GLIS3: variants seen among roughly 807,000 people sequenced by gnomAD.
GLIS3 encodes the protein GLIS family zinc finger 3, also known as zinc finger protein GLIS3.
In GLIS3, 53 loss-of-function variants were observed where a neutral mutation model predicts 78.6. The ratio of observed to expected loss-of-function variants is 0.67; its 90% CI spans 0.54 to 0.85. The LOEUF (loss-of-function observed/expected upper bound fraction) is 0.85, where lower values mean the gene tolerates loss of function less well. Ranked by LOEUF, GLIS3 falls within the 40% of genes least tolerant of loss-of-function variation. GLIS3 has a pLI of 0.00. For synonymous variants in GLIS3, 684 were observed against 509.9 expected (o/e 1.34, Z -4.60); for missense variants, 1,703 against 1,231.1 (o/e 1.38, Z -5.74).
At chr9:4,270,952 GAAC>G (rs1554644000) in intron 2 of GLIS3, among the ~76,000 whole-genome samples, 2 of 149,796 alleles carry the variant, frequency 1.3e-5, no homozygotes, top group African/African-American at 2.5e-5. Flanking sequence ...ACTGACCCTT[GAAC>G]AACACAGGTT....
intron 2 of GLIS3, among the ~76,000 whole-genome samples, chr9:4,222,415 T>C (rs1587029946): frequency 6.6e-6 from 1 of 152,188 alleles, no homozygotes; most frequent in South Asian, 2.1e-4. Context: ...ACCTAGAAAA[T>C]GGACAGGCAA....
Position 3,972,556 on chromosome 9 carries a change from G to GT in GLIS3, c.1711-35368dup, listed in dbSNP as rs572069177. Among the ~76,000 whole-genome samples, 58 of 151,816 alleles carry GT rather than the reference G, an allele frequency of 3.8e-4. No individual in the cohort carries two copies. The South Asian group carries it at 0.011, about 28-fold the overall frequency. ...TTTCTTGACTGTAGTTTCAAAAAGGGTTTTTTTTGTTTGTTTGTTTGCTTT... is the reference window on the plus strand; with the variant it reads ...TTTCTTGACTGTAGTTTCAAAAAGGGTTTTTTTTTGTTTGTTTGTTTGCTTT... On this transcript the variant is annotated intron_variant, in intron 4 of 10. Coordinates refer to ENST00000381971, the MANE Select transcript of GLIS3 (RefSeq NM_001042413.2).
intron 3 of GLIS3, among the ~76,000 whole-genome samples, chr9:4,122,770 A>G (rs55942969): frequency 0.035 from 5,277 of 152,298 alleles, 112 homozygotes; most frequent in Middle Eastern, 0.048. Context: ...CTACTACTCA[A>G]TGTTTGTTAG....
At chr9:4,229,212 C>T (rs948574973) in intron 2 of GLIS3, among the ~76,000 whole-genome samples, 28 of 152,202 alleles carry the variant, frequency 1.8e-4, no homozygotes, top group Admixed American at 1.8e-3. Context: ...AGCCTGAAGG[C>T]ATGGGCTGGA....
chr9:4,025,639 G>T (rs1009557189), intron 4 of GLIS3, among the ~76,000 whole-genome samples: 2 of 152,162 alleles, frequency 1.3e-5, no homozygotes, highest in African/African-American at 4.8e-5. Flanking sequence ...GCCCGTCTCA[G>T]CCTCCCAAAA....
intron 2 of GLIS3, among the ~76,000 whole-genome samples, chr9:4,257,120 C>A (rs183896811): frequency 1.3e-3 from 197 of 151,978 alleles, no homozygotes; most frequent in Non-Finnish European, 1.7e-3. Context: ...CTTCTTTATC[C>A]ATTTGTCTGT....
At chr9:4,386,066 G>T in the GLIS3 span, among the ~76,000 whole-genome samples, 1 of 152,134 alleles carries the variant, frequency 6.6e-6, no homozygotes, top group Non-Finnish European at 1.5e-5. Context: ...TCTGGGGTGA[G>T]AATTTATCCC....
intron 4 of GLIS3, among the ~76,000 whole-genome samples, chr9:4,013,390 G>A (rs1234645902): frequency 6.6e-6 from 1 of 152,150 alleles, no homozygotes; most frequent in Admixed American, 6.5e-5. Context: ...CAAGGAAGCT[G>A]TAATAATTAT....
Position 4,124,373 on chromosome 9 carries a change from A to G in GLIS3, c.596+1361T>C, listed in dbSNP as rs547797931. On this transcript the variant is annotated intron_variant, in intron 3 of 10. Transcript: ENST00000381971. ...CCATAAAAGGGACTGCATAAGATAC[A>G]TGGCTTAAGCAGTCTGTGCCCTGAC... Among the ~76,000 whole-genome samples the G allele has an allele frequency of 6.6e-5, 10 of 152,358 alleles. No individual in the cohort carries two copies. The South Asian group carries it at 2.1e-3, about 32-fold the overall frequency.
chr9:4,379,773 T>G, the GLIS3 span, among the ~76,000 whole-genome samples: 7 of 152,362 alleles, frequency 4.6e-5, no homozygotes, highest in East Asian at 1.3e-3. Flanking sequence ...TTCAAATATC[T>G]TTTTGCTCTT....
At chr9:4,094,989 G>C (rs1382946475) in intron 4 of GLIS3, among the ~76,000 whole-genome samples, 1 of 152,062 alleles carries the variant, frequency 6.6e-6, no homozygotes, top group Non-Finnish European at 1.5e-5. Flanking sequence ...ATGGTAATTA[G>C]CATATCCATC....
At chr9:4,321,525 A>G (rs921977376) in intron 2 of GLIS3, among the ~76,000 whole-genome samples, 1 of 147,946 alleles carries the variant, frequency 6.8e-6, no homozygotes, top group Non-Finnish European at 1.5e-5. Context: ...TAAATTACCC[A>G]GTGCATGGTC....
chr9:3,938,220 A>G (rs1268641733), intron 4 of GLIS3, among the ~76,000 whole-genome samples: 1 of 152,216 alleles, frequency 6.6e-6, no homozygotes, highest in African/African-American at 2.4e-5. Flanking sequence ...TCTCACTGGA[A>G]GGGAAACTGA....
the GLIS3 span, among the ~76,000 whole-genome samples, chr9:4,395,349 G>T: frequency 6.6e-6 from 1 of 152,148 alleles, no homozygotes; most frequent in African/African-American, 2.4e-5. Context: ...GCGCTGACAT[G>T]ATTTTCTTTT....
the GLIS3 span, among the ~76,000 whole-genome samples, chr9:4,482,188 C>T: frequency 6.6e-6 from 1 of 152,122 alleles, no homozygotes; most frequent in African/African-American, 2.4e-5. Context: ...CTTTCATATC[C>T]TAAAATGAAA....
intron 4 of GLIS3, among the ~76,000 whole-genome samples, chr9:4,016,512 A>T (rs1822450072): frequency 6.6e-6 from 1 of 152,200 alleles, no homozygotes; most frequent in Non-Finnish European, 1.5e-5. Context: ...AGAAATGCCA[A>T]TGGGGCATTT....
chr9:4,002,068 T>TA (rs1376446086), intron 4 of GLIS3, among the ~76,000 whole-genome samples: 1 of 152,182 alleles, frequency 6.6e-6, no homozygotes, highest in Non-Finnish European at 1.5e-5. Context: ...GGATTTCTGA[T>TA]ATGGACAGAT....
intron 2 of GLIS3, among the ~76,000 whole-genome samples, chr9:4,177,571 C>G (rs1285705781): frequency 6.6e-6 from 1 of 152,174 alleles, no homozygotes; most frequent in African/African-American, 2.4e-5. Flanking sequence ...CAGAGGAACC[C>G]TAGAGTTTCA....
At chr9:4,122,161 G>C (rs1362265784) in intron 3 of GLIS3, among the ~76,000 whole-genome samples, 3 of 152,162 alleles carry the variant, frequency 2.0e-5, no homozygotes, top group Non-Finnish European at 2.9e-5. Context: ...AACTTGTATG[G>C]GGCCATAAGA....
Sources: gnomAD v4.1 joint callset for allele counts (sites outside exome capture counted in the v4.1 genomes callset) on GRCh38, gnomAD v4.1.1 for gene constraint, MANE v1.5 for transcripts, NCBI Gene and HGNC (gene_info 2026-07-23, HGNC 2026-07-21) for gene names.